ENTREP1: variants seen among roughly 807,000 people sequenced by gnomAD.
The protein encoded by ENTREP1 is endosomal transmembrane epsin interactor 1.
chr9:69,360,897 G>A, the ENTREP1 span, among the ~76,000 whole-genome samples: 3 of 57,494 alleles, frequency 5.2e-5, no homozygotes, highest in South Asian at 2.8e-3. Flanking sequence ...CATGTAAATT[G>A]CAAAAAAAAA....
chr9:69,354,708 C>G, the ENTREP1 span, among the ~76,000 whole-genome samples: 1 of 152,120 alleles, frequency 6.6e-6, no homozygotes, highest in African/African-American at 2.4e-5. Context: ...AGGTTTGGTT[C>G]TGGGGTCAGA....
the ENTREP1 span, chr9:69,383,562 CG>C: frequency 6.3e-7 from 1 of 1,596,522 alleles, no homozygotes; most frequent in Non-Finnish European, 8.5e-7. Context: ...AGCCAGTATC[CG>C]GGCATCACTG....
the ENTREP1 span, chr9:69,381,373 T>G: frequency 6.6e-6 from 1 of 152,190 alleles, no homozygotes; most frequent in East Asian, 1.9e-4. Flanking sequence ...CATTCTTTAA[T>G]AAAAATTTGA....
chr9:69,340,705 G>GTA, the ENTREP1 span, among the ~76,000 whole-genome samples: 1 of 143,036 alleles, frequency 7.0e-6, no homozygotes, highest in South Asian at 2.3e-4. Flanking sequence ...ATGTGTGTGT[G>GTA]TATGTGTGTG....
the ENTREP1 span, among the ~76,000 whole-genome samples, chr9:69,347,993 G>A: frequency 6.6e-6 from 1 of 152,112 alleles, no homozygotes; most frequent in Non-Finnish European, 1.5e-5. Context: ...TTTGCTTCAT[G>A]TTTGGACCAT....
At chr9:69,336,302 A>C in the ENTREP1 span, 2 of 1,367,422 alleles carry the variant, frequency 1.5e-6, no homozygotes, top group South Asian at 1.2e-5. Flanking sequence ...GCTACCCTTT[A>C]TAAAATGTGC....
chr9:69,389,643 C>A, the ENTREP1 span, among the ~76,000 whole-genome samples: 1 of 152,334 alleles, frequency 6.6e-6, no homozygotes, highest in African/African-American at 2.4e-5. Flanking sequence ...GTCACCTTCC[C>A]TCTGTCCGGC....
chr9:69,332,878 T>C, the ENTREP1 span, among the ~76,000 whole-genome samples: 1 of 152,178 alleles, frequency 6.6e-6, no homozygotes, highest in Non-Finnish European at 1.5e-5. Flanking sequence ...GCATTGTTTG[T>C]GACAGCAAAA....
the ENTREP1 span, among the ~76,000 whole-genome samples, chr9:69,378,633 C>T: frequency 6.6e-6 from 1 of 151,994 alleles, no homozygotes; most frequent in Admixed American, 6.6e-5. Flanking sequence ...GTAGTGGGCA[C>T]CTGTAGTCCC....
chr9:69,341,687 G>C, the ENTREP1 span, among the ~76,000 whole-genome samples: 1 of 152,050 alleles, frequency 6.6e-6, no homozygotes, highest in Non-Finnish European at 1.5e-5. Context: ...TTTTTCCTGA[G>C]GATATGGAGA....
chr9:69,379,256 G>A, the ENTREP1 span, among the ~76,000 whole-genome samples: 2 of 152,166 alleles, frequency 1.3e-5, no homozygotes, highest in African/African-American at 4.8e-5. Context: ...TCACCAGTGG[G>A]GCTGCCACCC....
At chr9:69,371,433 C>A in the ENTREP1 span, 1 of 1,091,888 alleles carries the variant, frequency 9.2e-7, no homozygotes, top group Non-Finnish European at 1.4e-6. Flanking sequence ...TTTTTAAAAT[C>A]AGGTAAAACT....
chr9:69,329,355 A>G, the ENTREP1 span: 514 of 959,002 alleles, frequency 5.4e-4, no homozygotes, highest in Non-Finnish European at 6.2e-4. Flanking sequence ...TGTTGAACAC[A>G]GTATAGTTCA....
the ENTREP1 span, among the ~76,000 whole-genome samples, chr9:69,330,482 T>A: frequency 6.6e-6 from 1 of 152,202 alleles, no homozygotes; most frequent in Non-Finnish European, 1.5e-5. Context: ...TTTGGCAAGG[T>A]TCTACTTTCA....
chr9:69,325,383 G>A, the ENTREP1 span: 7 of 1,139,084 alleles, frequency 6.1e-6, no homozygotes, highest in Non-Finnish European at 6.5e-6. Context: ...CAGGCCGGGG[G>A]CCCGGGCGCC....
the ENTREP1 span, chr9:69,371,741 G>A: frequency 1.5e-6 from 1 of 662,146 alleles, no homozygotes. Context: ...AGGGAAGTGG[G>A]AAAACAAAAC....
At chr9:69,368,875 T>C in the ENTREP1 span, among the ~76,000 whole-genome samples, 5 of 152,272 alleles carry the variant, frequency 3.3e-5, no homozygotes, top group African/African-American at 1.2e-4. Context: ...GGGATACATG[T>C]GCAGAACGTG....
chr9:69,372,618 G>T, the ENTREP1 span, among the ~76,000 whole-genome samples: 1 of 152,054 alleles, frequency 6.6e-6, no homozygotes, highest in Non-Finnish European at 1.5e-5. Flanking sequence ...CCCACTCTTG[G>T]TTATTGTGAA....
the ENTREP1 span, chr9:69,386,093 T>G: frequency 1.7e-6 from 1 of 588,846 alleles, no homozygotes; most frequent in Non-Finnish European, 2.6e-6. Flanking sequence ...GAAAGTAAAA[T>G]ATTCTACGTC....
Sources: gnomAD v4.1 joint callset for allele counts (sites outside exome capture counted in the v4.1 genomes callset) on GRCh38, gnomAD v4.1.1 for gene constraint, MANE v1.5 for transcripts, NCBI Gene and HGNC (gene_info 2026-07-23, HGNC 2026-07-21) for gene names.